ADAMTS10: variants seen among roughly 807,000 people sequenced by gnomAD.
The protein encoded by ADAMTS10 is ADAM metallopeptidase with thrombospondin type 1 motif 10.
ADAMTS10 carries 48 observed loss-of-function variants against 135.9 expected under a neutral mutation model. The observed-to-expected ratio is 0.35, with a 90% confidence interval of 0.28 to 0.45. The LOEUF is 0.45. Ranked by LOEUF, ADAMTS10 falls within the 20% of genes least tolerant of loss-of-function variation. ADAMTS10 has a pLI of 1.00. For missense variants in ADAMTS10, 1,131 were observed against 1,565.2 expected, an observed-to-expected ratio of 0.72 and a Z score of 4.68; for synonymous variants, 621 against 647.5, an observed-to-expected ratio of 0.96 and a Z score of 0.62.
chr19:8,594,344 C>T (rs1282453100), intron 12 of ADAMTS10, among the ~76,000 whole-genome samples: 1 of 152,180 alleles, frequency 6.6e-6, no homozygotes, highest in African/African-American at 2.4e-5. Context: ...AAAGGACTTG[C>T]ACCAATGCCA....
rs1048035967 is a variant in ADAMTS10, at chr19:8,596,174, A to G, written c.1236T>C (p.Arg412=). 1 of 1,614,106 alleles carries G rather than the reference A, an allele frequency of 6.2e-7. No homozygotes were observed. The highest frequency in any genetic ancestry group is 2.2e-5 in the East Asian group (1 of 44,872). The change falls in exon 11 of 26, where the codon CGT becomes CGC. Residue 412 remains arginine, a synonymous_variant. Coordinates refer to ENST00000597188, the MANE Select transcript of ADAMTS10 (RefSeq NM_030957.4). This position sits in a 1 kb window ranked among gnomAD's most constrained non-coding sequence, Gnocchi z 7.2. ...HDGVGNSCGA[R]GQDPAKLMAA... ...CCATGAGCTTGGCTGGGTCCTGACC[A>G]CGGGCCCCACAGCTGTTTCCCACGC...
chr19:8,594,539 A>G (rs1397997542), intron 12 of ADAMTS10, among the ~76,000 whole-genome samples: 2 of 152,190 alleles, frequency 1.3e-5, no homozygotes, highest in Non-Finnish European at 2.9e-5. Flanking sequence ...CAAGCTTGAT[A>G]TTTTGACAGC....
intron 6 of ADAMTS10, among the ~76,000 whole-genome samples, chr19:8,600,715 G>T (rs377476432): frequency 6.6e-6 from 1 of 151,834 alleles, no homozygotes; most frequent in South Asian, 2.1e-4. Flanking sequence ...AGCCAGGATG[G>T]TCTCCATCTC....
rs1555736745 is a variant in ADAMTS10, at chr19:8,585,420, G to A, written c.2865+36C>T. Reference sequence around the variant, plus strand: ...GCGTCTCCGTGGACACCCCACCTGGGCATCCCAGTGGGCGCGAAGGAAGGG... The same window carrying A: ...GCGTCTCCGTGGACACCCCACCTGGACATCCCAGTGGGCGCGAAGGAAGGG... On this transcript the variant is annotated intron_variant, in intron 23 of 25. Coordinates refer to ENST00000597188, the MANE Select transcript of ADAMTS10 (RefSeq NM_030957.4). 4 of 1,537,102 alleles carry A rather than the reference G, an allele frequency of 2.6e-6. No individual in the cohort carries two copies. The African/African-American group carries it at 5.5e-5, about 21-fold the overall frequency.
chr19:8,605,545 T>A lies in ADAMTS10; in HGVS notation c.88+78A>T. 1.0e-5 allele frequency: 14 copies of A among 1,341,810 alleles called. No homozygotes were observed. Among genetic ancestry groups the A allele is most frequent in the African/African-American group, 2.9e-5 (2 of 68,362 alleles). 83.1% of individuals were successfully genotyped at this position (1,341,810 alleles called of 1,614,324 possible). A position where few individuals can be genotyped will look rare whatever the true frequency, so the allele number is the denominator to read the frequency against. On this transcript the variant is annotated intron_variant, in intron 3 of 25. Transcript: ENST00000597188. This position sits in a 1 kb window ranked among gnomAD's most constrained non-coding sequence, Gnocchi z 7.7. ...ATTGACCCCCATCCCAGCCCCCTGA[T>A]GCCTCTTTCTGTTGGAGCCCAACTG...
chr19:8,582,472 A>T (rs1555736048), intron 25 of ADAMTS10: 1 of 152,230 alleles, frequency 6.6e-6, no homozygotes, highest in African/African-American at 2.4e-5. Flanking sequence ...TCTCAAAACA[A>T]AGCAAAACAA....
At chr19:8,584,512 C>G (rs952244694) in intron 25 of ADAMTS10, among the ~76,000 whole-genome samples, 12 of 152,036 alleles carry the variant, frequency 7.9e-5, no homozygotes, top group Admixed American at 2.6e-4. Context: ...AACAAAAAAC[C>G]CTACAATGTG....
intron 13 of ADAMTS10, 97 bp downstream of exon 13, chr19:8,592,666 A>G: frequency 1.6e-6 from 2 of 1,223,576 alleles, no homozygotes; most frequent in Admixed American, 2.0e-5. Context: ...TGTGGGAGGG[A>G]GCAGATAATA....
rs782428779 is a variant in ADAMTS10, at chr19:8,586,331, C to A, written c.2530+13G>T. On this transcript the variant is annotated intron_variant, in intron 21 of 25. Coordinates refer to ENST00000597188, the MANE Select transcript of ADAMTS10 (RefSeq NM_030957.4). ...CCCAGGTATCTTGTGCCTTCCCCCA[C>A]CCCCGGCCTCACCGCCTGCACACTG... 6.3e-5 allele frequency: 101 copies of A among 1,613,298 alleles called. No individual in the cohort carries two copies. The highest frequency in any genetic ancestry group is 8.1e-5 in the Non-Finnish European group (95 of 1,179,864).
intron 18 of ADAMTS10, among the ~76,000 whole-genome samples, chr19:8,588,247 CA>C (rs1241249673): frequency 6.6e-6 from 1 of 151,192 alleles, no homozygotes; most frequent in Non-Finnish European, 1.5e-5. Context: ...GACTCTGTCT[CA>C]AAAAAAATTT....
intron 1 of ADAMTS10, among the ~76,000 whole-genome samples, chr19:8,609,807 C>T (rs782594343): frequency 6.6e-6 from 1 of 151,962 alleles, no homozygotes; most frequent in Non-Finnish European, 1.5e-5. Flanking sequence ...ACACACACCC[C>T]GCGCAACCAG....
intron 13 of ADAMTS10, 121 bp from the exon 14 acceptor site, chr19:8,592,224 G>T (rs1374393827): frequency 1.4e-4 from 219 of 1,540,068 alleles, no homozygotes; most frequent in Non-Finnish European, 1.8e-4. Flanking sequence ...GGGCAGAGGC[G>T]GGGTCTGAAC....
Position 8,592,656 on chromosome 19 carries a change from T to C in ADAMTS10, c.1587+107A>G, listed in dbSNP as rs116796882. The C allele has an allele frequency of 0.014, 16,063 of 1,141,060 alleles. 430 individuals carry two copies. The highest frequency in any genetic ancestry group is 0.11 in the African/African-American group (7,100 of 65,110). The allele number at this position is 1,141,060 out of a possible 1,614,324, so 70.7% of individuals were successfully genotyped here. On this transcript the variant is annotated intron_variant, in intron 13 of 25. Coordinates refer to ENST00000597188, the MANE Select transcript of ADAMTS10 (RefSeq NM_030957.4). The stretch of plus-strand genomic sequence containing the variant: ...GAGCACAAATGGCGGGCGTGGCCAA[T>C]GTGGGAGGGAGCAGATAATAGGCCG...
chr19:8,596,838 G>T lies in ADAMTS10; in HGVS notation c.1040+149C>A. The T allele has an allele frequency of 7.7e-7, 1 of 1,302,842 alleles. No individual in the cohort carries two copies. The highest frequency in any genetic ancestry group is 1.1e-6 in the Non-Finnish European group (1 of 932,782). 80.7% of individuals were successfully genotyped at this position (1,302,842 alleles called of 1,614,324 possible). A position where few individuals can be genotyped will look rare whatever the true frequency, so the allele number is the denominator to read the frequency against. On this transcript the variant is annotated intron_variant, in intron 8 of 25. Transcript: ENST00000597188. This position sits in a 1 kb window ranked among gnomAD's most constrained non-coding sequence, Gnocchi z 7.2. ...CTCCCTTACCCATTATTCTCAAGCAGCCCCTCCCCATCCCTGGCTCCCTCA... is the reference window on the plus strand; with the variant it reads ...CTCCCTTACCCATTATTCTCAAGCATCCCCTCCCCATCCCTGGCTCCCTCA...
At chr19:8,589,172 C>T in intron 18 of ADAMTS10, 70 bp downstream of exon 18, 1 of 1,605,242 alleles carries the variant, frequency 6.2e-7, no homozygotes, top group South Asian at 1.1e-5. Flanking sequence ...AGCTACTGCA[C>T]TGGGATCAGT....
chr19:8,587,848 A>G (rs765124639), intron 18 of ADAMTS10, among the ~76,000 whole-genome samples: 3 of 148,798 alleles, frequency 2.0e-5, no homozygotes, highest in Non-Finnish European at 4.5e-5. Context: ...GGAGAATGGC[A>G]TGAACCTGGT....
At chr19:8,592,149 C>T in intron 13 of ADAMTS10, 46 bp from the exon 14 acceptor site, 1 of 1,612,910 alleles carries the variant, frequency 6.2e-7, no homozygotes, top group Non-Finnish European at 8.5e-7. Flanking sequence ...CCGGAGGACA[C>T]TCGTCGGCCC....
At chr19:8,582,886 GTGATCTGCCCACCT>G (rs2042372828) in intron 25 of ADAMTS10, among the ~76,000 whole-genome samples, 1 of 152,174 alleles carries the variant, frequency 6.6e-6, no homozygotes, top group Non-Finnish European at 1.5e-5. Context: ...CTGACCTCAG[GTGATCTGCCCACCT>G]TGGCCTCCCA....
chr19:8,580,994 C>A lies in ADAMTS10; in HGVS notation c.3211G>T (p.Asp1071Tyr). 1 of 1,613,038 alleles carries A rather than the reference C, an allele frequency of 6.2e-7. No individual in the cohort carries two copies. The highest frequency in any genetic ancestry group is 8.5e-7 in the Non-Finnish European group (1 of 1,179,386). ...TPGDGPEECKDVNKVAYCPLV... is the reference protein window; with the variant it reads ...TPGDGPEECKYVNKVAYCPLV... ...GGGCAGTAGGCGACCTTGTTCACAT[C>A]CTTGCACTCTGCGGGGACGGGAGAA... Residue 1071 changes from aspartate to tyrosine, a missense_variant, in exon 26 of 26, where the codon GAT becomes TAT. Asp to Tyr is a radical substitution (Grantham distance 160). Coordinates refer to ENST00000597188, the MANE Select transcript of ADAMTS10 (RefSeq NM_030957.4).
Sources: gnomAD v4.1 joint callset for allele counts (sites outside exome capture counted in the v4.1 genomes callset) on GRCh38, gnomAD v4.1.1 for gene constraint, Gnocchi (gnomAD v3.1) non-coding constraint, MANE v1.5 for transcripts, NCBI Gene and HGNC (gene_info 2026-07-23, HGNC 2026-07-21) for gene names.